Variants in ESRRG observed in about 807,000 individuals in gnomAD.
The protein encoded by ESRRG is estrogen-related receptor gamma.
In ESRRG, 13 loss-of-function variants were observed where a neutral mutation model predicts 44.0. The observed-to-expected ratio is 0.30, with a 90% confidence interval of 0.19 to 0.47. The LOEUF is 0.47. ESRRG is among the 20% of genes least tolerant of loss of function. The probability of loss-of-function intolerance (pLI) is 1.00; values close to 1 mark genes in which losing one functional copy is unlikely to be tolerated. For missense variants in ESRRG, 395 were observed against 580.6 expected, an observed-to-expected ratio of 0.68 and a Z score of 3.29; for synonymous variants, 215 against 214.6, an observed-to-expected ratio of 1.00 and a Z score of -0.02.
At chr1:216,576,832 C>A (rs2061766259) in intron 3 of ESRRG, among the ~76,000 whole-genome samples, 1 of 151,672 alleles carries the variant, frequency 6.6e-6, no homozygotes, top group African/African-American at 2.4e-5. Context: ...ATGTCATCTG[C>A]AACAGGTGAC....
rs145245721 is a variant in ESRRG, at chr1:216,629,019, G to A, written c.589+21954C>T. 3.1e-3 allele frequency among the ~76,000 whole-genome samples: 466 copies of A among 152,232 alleles called. 6 individuals are homozygous for A. The highest frequency in any genetic ancestry group is 0.011 in the African/African-American group (448 of 41,532). Reference sequence around the variant, plus strand: ...TTCCCTCCACCCTTCACGAGTTAATGTCTGCTCATTCTTCAGGTCTCACTT... The same window carrying A: ...TTCCCTCCACCCTTCACGAGTTAATATCTGCTCATTCTTCAGGTCTCACTT... On this transcript the variant is annotated intron_variant, in intron 3 of 6. Transcript: ENST00000408911.
chr1:216,747,152 AATG>A (rs1374198195), intron 2 of ESRRG, among the ~76,000 whole-genome samples: 1 of 152,170 alleles, frequency 6.6e-6, no homozygotes, highest in Non-Finnish European at 1.5e-5. Flanking sequence ...TTGTGAGATA[AATG>A]ATGTTAGTTT....
intron 2 of ESRRG, among the ~76,000 whole-genome samples, chr1:216,914,655 CAT>C (rs757360430): frequency 3.9e-5 from 6 of 152,172 alleles, no homozygotes; most frequent in Non-Finnish European, 5.9e-5. Context: ...TGATCTTGCA[CAT>C]GTTACCCCTT....
intron 1 of ESRRG, among the ~76,000 whole-genome samples, chr1:217,079,207 A>T (rs1553347): frequency 6.6e-6 from 1 of 152,090 alleles, no homozygotes; most frequent in Non-Finnish European, 1.5e-5. Context: ...AATTCAAGTC[A>T]TTGGTTAACC....
chr1:217,093,287 T>C (rs2092376203), upstream of ESRRG, among the ~76,000 whole-genome samples: 1 of 151,960 alleles, frequency 6.6e-6, no homozygotes, highest in Non-Finnish European at 1.5e-5. Flanking sequence ...GTCTCCAAGG[T>C]CCCTCCAGCT....
At chr1:216,665,304 C>T (rs1438601372) in intron 2 of ESRRG, among the ~76,000 whole-genome samples, 1 of 152,046 alleles carries the variant, frequency 6.6e-6, no homozygotes, top group Admixed American at 6.6e-5. Context: ...TTCAGGTATC[C>T]TCTGGGGGCC....
At chr1:216,734,595 G>A (rs893687996) in intron 2 of ESRRG, among the ~76,000 whole-genome samples, 2 of 152,190 alleles carry the variant, frequency 1.3e-5, no homozygotes, top group African/African-American at 4.8e-5. Flanking sequence ...AGAAGCAGAT[G>A]TTGGCACTTA....
At chr1:216,690,688 C>T (rs1357020978) in intron 1 of ESRRG, among the ~76,000 whole-genome samples, 1 of 152,074 alleles carries the variant, frequency 6.6e-6, no homozygotes, top group African/African-American at 2.4e-5. Flanking sequence ...GATTCCTATG[C>T]CCTGTACCAG....
intron 5 of ESRRG, among the ~76,000 whole-genome samples, chr1:216,533,934 C>T (rs1227538960): frequency 9.9e-5 from 15 of 152,078 alleles, no homozygotes; most frequent in Admixed American, 9.2e-4. Flanking sequence ...GCTGATGGCT[C>T]GTAATTCATC....
chr1:216,805,836 C>T (rs1435781507), intron 2 of ESRRG, among the ~76,000 whole-genome samples: 1 of 151,824 alleles, frequency 6.6e-6, no homozygotes, highest in Non-Finnish European at 1.5e-5. Flanking sequence ...GCATTTAAGC[C>T]CAGAATACTA....
chr1:216,991,367 C>T (rs980153259), intron 1 of ESRRG, among the ~76,000 whole-genome samples: 5 of 152,030 alleles, frequency 3.3e-5, no homozygotes, highest in Admixed American at 1.3e-4. Flanking sequence ...TAATCCCAAG[C>T]GTTTTGTTGT....
intron 6 of ESRRG, 59 bp downstream of exon 6, chr1:216,519,093 A>C: frequency 6.8e-7 from 1 of 1,474,984 alleles, no homozygotes; most frequent in South Asian, 1.2e-5. Context: ...GAAGTTAAGG[A>C]GAGGGGTAAA....
chr1:216,845,241 A>G (rs1461750757), intron 2 of ESRRG, among the ~76,000 whole-genome samples: 1 of 152,186 alleles, frequency 6.6e-6, no homozygotes, highest in Non-Finnish European at 1.5e-5. Context: ...TTTAGTGTTA[A>G]GAACAGCACT....
chr1:216,911,313 C>G (rs1198238182), intron 2 of ESRRG, among the ~76,000 whole-genome samples: 1 of 152,020 alleles, frequency 6.6e-6, no homozygotes, highest in Non-Finnish European at 1.5e-5. Flanking sequence ...AACTATCAAG[C>G]CATGAAAAGA....
intron 2 of ESRRG, among the ~76,000 whole-genome samples, chr1:216,852,731 G>T (rs1015085469): frequency 2.6e-5 from 4 of 152,118 alleles, no homozygotes; most frequent in African/African-American, 4.8e-5. Flanking sequence ...TCAGATTAAG[G>T]TATTGAAGCC....
At chr1:216,975,045 T>A (rs1403199621) in intron 1 of ESRRG, among the ~76,000 whole-genome samples, 1 of 152,212 alleles carries the variant, frequency 6.6e-6, no homozygotes, top group African/African-American at 2.4e-5. Context: ...TTAACAAATT[T>A]GTTTTATGTC....
intron 1 of ESRRG, among the ~76,000 whole-genome samples, chr1:216,964,949 A>G (rs2069955653): frequency 6.6e-6 from 1 of 152,244 alleles, no homozygotes; most frequent in African/African-American, 2.4e-5. Context: ...AAGATCCAAT[A>G]GGATTTTAAT....
intron 2 of ESRRG, among the ~76,000 whole-genome samples, chr1:216,782,370 T>C (rs1318715793): frequency 6.6e-6 from 1 of 152,078 alleles, no homozygotes; most frequent in Non-Finnish European, 1.5e-5. Context: ...TCTCTGTCTC[T>C]GTCTTTCCCT....
chr1:216,631,706 T>C (rs577887421), intron 3 of ESRRG, among the ~76,000 whole-genome samples: 2 of 152,300 alleles, frequency 1.3e-5, no homozygotes, highest in Admixed American at 1.3e-4. Context: ...ATATTATATA[T>C]GTATATGAAA....
Sources: allele counts gnomAD v4.1 joint callset (sites outside exome capture counted in the v4.1 genomes callset), GRCh38; gene constraint gnomAD v4.1.1; transcripts MANE v1.5; gene names NCBI Gene and HGNC (gene_info 2026-07-23, HGNC 2026-07-21).